Variants in HAS3 observed in about 807,000 individuals in gnomAD.
HAS3 encodes the protein hyaluronan synthase 3.
A neutral mutation model predicts 50.3 loss-of-function variants in HAS3; 27 were observed. The observed-to-expected ratio is 0.54, with a 90% CI of 0.40 to 0.74. The LOEUF is 0.74. HAS3 is among the 30% of genes least tolerant of loss of function. The probability of loss-of-function intolerance (pLI) is 0.00; values close to 1 mark genes in which losing one functional copy is unlikely to be tolerated. For synonymous variants in HAS3, 339 were observed against 310.9 expected (o/e 1.09, Z -0.95); for missense variants, 517 against 742.8 (o/e 0.70, Z 3.53).
rs966989746 is a variant in HAS3, at chr16:69,109,601, G to A, written c.206G>A (p.Arg69His). 6 of 1,612,372 alleles carry A rather than the reference G, an allele frequency of 3.7e-6. No individual in the cohort carries two copies. The highest frequency in any genetic ancestry group is 2.2e-5 in the South Asian group (2 of 91,074). The change falls in exon 2 of 4, where the codon CGC becomes CAC. Residue 69 changes from arginine to histidine, a missense_variant. Physicochemically the swap from Arg to His is conservative, Grantham distance 29 (BLOSUM62 0). Transcript: ENST00000569188. The surrounding 1 kb of genome is among the most constrained non-coding windows in gnomAD (Gnocchi z 5.3). ...CTTTTTGCCTTCCTGGAGCACCGGC[G>A]CATGCGACGTGCCGGCCAGGCCCTG... ...QSLFAFLEHRRMRRAGQALKL... is the reference protein window; with the variant it reads ...QSLFAFLEHRHMRRAGQALKL...
the HAS3 span, among the ~76,000 whole-genome samples, chr16:69,086,727 A>G: frequency 6.6e-6 from 1 of 152,108 alleles, no homozygotes; most frequent in Non-Finnish European, 1.5e-5. Flanking sequence ...CAACATGGAG[A>G]AACCCCGTCT....
chr16:69,099,818 GT>G, the HAS3 span, among the ~76,000 whole-genome samples: 4,374 of 144,976 alleles, frequency 0.03, 188 homozygotes, highest in African/African-American at 0.1. Flanking sequence ...TGCCTTCTGG[GT>G]TTTTTTTTTT....
At position 69,109,071 on chromosome 16, in the gene HAS3, T is replaced by G. The variant is rs1960906089; in HGVS notation, c.1-325T>G. Among the ~76,000 whole-genome samples the G allele has an allele frequency of 6.6e-6, 1 of 152,202 alleles. No individual in the cohort carries two copies. The highest frequency in any genetic ancestry group is 1.5e-5 in the Non-Finnish European group (1 of 68,034). On this transcript the variant is annotated intron_variant, in intron 1 of 3. Transcript: ENST00000569188. This position sits in a 1 kb window ranked among gnomAD's most constrained non-coding sequence, Gnocchi z 5.3. ...TGCCACCCACCAGCCAGATGTCACG[T>G]GACCCTCTGGGCCTTGGCTTGTCTA...
downstream of HAS3, chr16:69,118,129 C>CCCCCCCCCCA: frequency 2.7e-6 from 1 of 364,368 alleles, no homozygotes. Context: ...CATCCCCCAC[C>CCCCCCCCCCA]CCCACCCTAA....
At chr16:69,095,471 G>A in the HAS3 span, among the ~76,000 whole-genome samples, 1 of 152,058 alleles carries the variant, frequency 6.6e-6, no homozygotes, top group Non-Finnish European at 1.5e-5. Flanking sequence ...GAACCCTCGG[G>A]CTGTGTTCTC....
the HAS3 span, among the ~76,000 whole-genome samples, chr16:69,098,285 G>A: frequency 6.6e-6 from 1 of 152,064 alleles, no homozygotes; most frequent in African/African-American, 2.4e-5. Context: ...GCAGGAGAAT[G>A]GCGTGAACCC....
At chr16:69,096,409 G>A in the HAS3 span, among the ~76,000 whole-genome samples, 3 of 151,100 alleles carry the variant, frequency 2.0e-5, no homozygotes, top group Admixed American at 6.6e-5. Context: ...GGTGGCACAC[G>A]CCTCTAGTCC....
chr16:69,107,134 C>T lies in HAS3; in HGVS notation c.-1+1347C>T, dbSNP rs940900407. The stretch of plus-strand genomic sequence containing the variant: ...TCCAGGCTGTAGGATCACCCCACAG[C>T]CTCTGCCGGCTTGGGGTGACACAGC... On this transcript the variant is annotated intron_variant, in intron 1 of 3. Transcript: ENST00000569188. The surrounding 1 kb of genome is among the most constrained non-coding windows in gnomAD (Gnocchi z 5.5). 6.1e-6 allele frequency: 1 copy of T among 162,844 alleles called. No individual in the cohort carries two copies. The highest frequency in any genetic ancestry group is 2.4e-5 in the African/African-American group (1 of 41,646). 10.1% of individuals were successfully genotyped at this position (162,844 alleles called of 1,614,324 possible). A position where few individuals can be genotyped will look rare whatever the true frequency, so the allele number is the denominator to read the frequency against.
the HAS3 span, among the ~76,000 whole-genome samples, chr16:69,096,149 G>A: frequency 6.7e-6 from 1 of 149,716 alleles, no homozygotes; most frequent in Non-Finnish European, 1.5e-5. Flanking sequence ...CTAAGAGGCC[G>A]AGACTGCAGT....
rs1014898166 is a variant in HAS3 at position 69,107,534 on chromosome 16, C to T, written c.-1+1747C>T. On this transcript the variant is annotated intron_variant, in intron 1 of 3. Transcript: ENST00000569188. The surrounding 1 kb of genome is among the most constrained non-coding windows in gnomAD (Gnocchi z 5.5). ...GCGAGGCTCGAGCGGGGATGAGAAG[C>T]GTGGCGAGTGCGTTCGCGGCTGCTT... 2.0e-6 allele frequency: 2 copies of T among 985,414 alleles called. No homozygotes were observed. Among genetic ancestry groups the T allele is most frequent in the African/African-American group, 1.7e-5 (1 of 57,248 alleles). The allele number at this position is 985,414 out of a possible 1,614,324, so 61.0% of individuals were successfully genotyped here. A position where few individuals can be genotyped will look rare whatever the true frequency, so the allele number is the denominator to read the frequency against.
downstream of HAS3, chr16:69,118,291 C>A: frequency 1.9e-6 from 2 of 1,056,876 alleles, no homozygotes; most frequent in Non-Finnish European, 1.5e-6. Context: ...GTCAGTCAAG[C>A]AGAAACTGCA....
chr16:69,110,048 AGGAGCG>A lies in HAS3; in HGVS notation c.636+18_636+23del, dbSNP rs1960947052. ...TACATCCAGGTAAGGGCGCCTCCCT[AGGAGCG>A]TGTGTACATGGGGATAAGTCTGGAC... is the stretch of plus-strand genomic sequence containing the variant. On this transcript the variant is annotated intron_variant, in intron 2 of 3. Coordinates refer to ENST00000569188, the MANE Select transcript of HAS3 (RefSeq NM_001199280.2). The A allele has an allele frequency of 1.3e-6, 2 of 1,589,002 alleles. No individual in the cohort carries two copies. The highest frequency in any genetic ancestry group is 2.3e-5 in the South Asian group (2 of 87,786).
rs928742654 is a variant in HAS3 at position 69,106,404 on chromosome 16, T to C, written c.-1+617T>C. On this transcript the variant is annotated intron_variant, in intron 1 of 3. Coordinates refer to ENST00000569188, the MANE Select transcript of HAS3 (RefSeq NM_001199280.2). The surrounding 1 kb of genome is among the most constrained non-coding windows in gnomAD (Gnocchi z 5.5). ...GCGCGCCGGGTGGCAGGGGTGCCTCTCGCCGAGCCCCCCGCACCCGGCCAG... is the reference window on the plus strand; with the variant it reads ...GCGCGCCGGGTGGCAGGGGTGCCTCCCGCCGAGCCCCCCGCACCCGGCCAG... The C allele has an allele frequency of 3.4e-5, 5 of 147,820 alleles. No homozygotes were observed. Among genetic ancestry groups the C allele is most frequent in the African/African-American group, 1.2e-4 (5 of 40,882 alleles). 9.2% of individuals were successfully genotyped at this position (147,820 alleles called of 1,614,324 possible). A position where few individuals can be genotyped will look rare whatever the true frequency, so the allele number is the denominator to read the frequency against.
chr16:69,118,394 C>T, downstream of HAS3: 1 of 1,612,986 alleles, frequency 6.2e-7, no homozygotes, highest in African/African-American at 1.3e-5. Context: ...TGACCAGGTC[C>T]AAGCTGCCCA....
Position 69,107,208 on chromosome 16 carries a change from G to C in HAS3, c.-1+1421G>C, listed in dbSNP as rs1480985703. The C allele has an allele frequency of 2.3e-6, 1 of 432,326 alleles. No individual in the cohort carries two copies. Among genetic ancestry groups the C allele is most frequent in the East Asian group, 1.6e-4 (1 of 6,334 alleles). 26.8% of individuals were successfully genotyped at this position (432,326 alleles called of 1,614,324 possible). On this transcript the variant is annotated intron_variant, in intron 1 of 3. Transcript: ENST00000569188. This position sits in a 1 kb window ranked among gnomAD's most constrained non-coding sequence, Gnocchi z 5.5. Reference sequence around the variant, plus strand: ...AGAACCTCGACCACAGCCTGCACCAGCGCCTGATTGCACGTGGGGTATCTG... The same window carrying C: ...AGAACCTCGACCACAGCCTGCACCACCGCCTGATTGCACGTGGGGTATCTG...
At chr16:69,096,011 T>G in the HAS3 span, among the ~76,000 whole-genome samples, 3 of 150,006 alleles carry the variant, frequency 2.0e-5, no homozygotes, top group Admixed American at 2.0e-4. Flanking sequence ...GGTCAGGAGT[T>G]TGAGACCAGC....
the HAS3 span, chr16:69,083,701 G>A: frequency 6.5e-7 from 1 of 1,537,486 alleles, no homozygotes; most frequent in Non-Finnish European, 8.8e-7. Flanking sequence ...GCAGGGCCAG[G>A]CACCCAGAGC....
downstream of HAS3, chr16:69,118,655 C>A: frequency 1.4e-6 from 1 of 694,068 alleles, no homozygotes; most frequent in South Asian, 1.5e-5. Context: ...ATTATTCCCA[C>A]CTGCCACAGT....
chr16:69,113,365 C>A, intron 2 of HAS3, 76 bp from the exon 3 acceptor site: 1 of 922,944 alleles, frequency 1.1e-6, no homozygotes, highest in Non-Finnish European at 1.8e-6. Flanking sequence ...AGGCAGTGAG[C>A]AGCCTGGCAG....
Sources: gnomAD v4.1 joint callset for allele counts (sites outside exome capture counted in the v4.1 genomes callset) on GRCh38, gnomAD v4.1.1 for gene constraint, Gnocchi (gnomAD v3.1) non-coding constraint, MANE v1.5 for transcripts, NCBI Gene and HGNC (gene_info 2026-07-23, HGNC 2026-07-21) for gene names.